EML6: variants seen among roughly 807,000 people sequenced by gnomAD.
The protein encoded by EML6 is EMAP like 6.
In EML6, 154 loss-of-function variants were observed where a neutral mutation model predicts 240.1. That is an observed-to-expected ratio of 0.64 (90% CI 0.56 to 0.73). The LOEUF (loss-of-function observed/expected upper bound fraction) is 0.73, where lower values mean the gene tolerates loss of function less well. Among genes scored for constraint, EML6 ranks in the 30% least tolerant of loss-of-function variants. The pLI is 0.00. For synonymous variants in EML6, 1,148 were observed against 899.0 expected, an observed-to-expected ratio of 1.28 and a Z score of -4.95; for missense variants, 2,964 against 2,474.6, an observed-to-expected ratio of 1.20 and a Z score of -4.20.
chr2:54,844,099 C>T lies in EML6; in HGVS notation c.900C>T (p.Thr300=). 1.8e-5 allele frequency: 28 copies of T among 1,551,128 alleles called. No individual in the cohort carries two copies. Among genetic ancestry groups the T allele is most frequent in the Non-Finnish European group, 2.4e-5 (27 of 1,146,806 alleles). Residue 300 remains threonine, a synonymous_variant, in exon 8 of 42, where the codon ACC becomes ACT. Coordinates refer to ENST00000356458, the MANE Select transcript of EML6 (RefSeq NM_001039753.4). ...CWKADRLLAG[T]QDSEIFEVIV... ...AAGCAGACCGCCTTCTAGCAGGGAC[C>T]CAGGACAGTGAGATATTTGAAGTGA...
At chr2:54,871,746 A>G (rs1671270497) in intron 16 of EML6, 141 bp downstream of exon 16, 4 of 674,110 alleles carry the variant, frequency 5.9e-6, no homozygotes, top group African/African-American at 1.8e-5. Flanking sequence ...ATTGAAGTAC[A>G]AGCTCTTTGT....
At chr2:54,792,468 G>C (rs968423644) in intron 2 of EML6, among the ~76,000 whole-genome samples, 1 of 152,180 alleles carries the variant, frequency 6.6e-6, no homozygotes, top group Non-Finnish European at 1.5e-5. Flanking sequence ...CTGACCAAGT[G>C]GAAAACTTAT....
intron 16 of EML6, among the ~76,000 whole-genome samples, chr2:54,875,694 G>A (rs535751628): frequency 6.6e-6 from 1 of 152,288 alleles, no homozygotes; most frequent in Non-Finnish European, 1.5e-5. Context: ...AGGACAAGAA[G>A]GAATGAATTT....
At chr2:54,792,775 A>G (rs1352085241) in intron 2 of EML6, among the ~76,000 whole-genome samples, 2 of 152,236 alleles carry the variant, frequency 1.3e-5, no homozygotes, top group Non-Finnish European at 2.9e-5. Flanking sequence ...GAAATACGCT[A>G]TAGAAATACG....
chr2:54,794,055 T>G (rs906574842), intron 2 of EML6, among the ~76,000 whole-genome samples: 1 of 152,250 alleles, frequency 6.6e-6, no homozygotes, highest in Non-Finnish European at 1.5e-5. Flanking sequence ...TTTTCCACTT[T>G]GCTGGCAGTG....
intron 17 of EML6, 30 bp downstream of exon 17, chr2:54,879,670 C>G (rs563257304): frequency 8.1e-7 from 1 of 1,234,450 alleles, no homozygotes; most frequent in South Asian, 1.3e-5. Context: ...TTACGGTATC[C>G]TGCTGATACC....
In EML6 at chr2:54,827,844, T is replaced by A. The variant is rs1667577099; in HGVS notation, c.711+93T>A. ...GTATGTTTCCCTTCTTGCTTTAGAA[T>A]CAGAGAACCCTGCTGAACACTCCCT... On this transcript the variant is annotated intron_variant, in intron 6 of 41. Transcript: ENST00000356458. 1.3e-5 allele frequency: 12 copies of A among 900,324 alleles called. No homozygotes were observed. The South Asian group carries it at 2.0e-4, about 15-fold the overall frequency. The allele number at this position is 900,324 out of a possible 1,614,324, so 55.8% of individuals were successfully genotyped here. A position where few individuals can be genotyped will look rare whatever the true frequency, so the allele number is the denominator to read the frequency against.
At position 54,970,102 on chromosome 2, in the gene EML6, A is replaced by G. The variant is rs536200651; in HGVS notation, c.*7A>G. The stretch of plus-strand genomic sequence containing the variant: ...TGTGTGGCGATGTCTGTAAAATGCC[A>G]GAAGCCTCTTATGTTATTGCTGCTG... On this transcript the variant is annotated 3_prime_UTR_variant, in exon 42 of 42. Coordinates refer to ENST00000356458, the MANE Select transcript of EML6 (RefSeq NM_001039753.4). 19 of 1,551,584 alleles carry G rather than the reference A, an allele frequency of 1.2e-5. No individual in the cohort carries two copies. Among genetic ancestry groups the G allele is most frequent in the Non-Finnish European group, 1.7e-5 (19 of 1,146,962 alleles).
At chr2:54,788,234 T>G (rs1255834853) in intron 2 of EML6, among the ~76,000 whole-genome samples, 2 of 152,218 alleles carry the variant, frequency 1.3e-5, no homozygotes, top group East Asian at 3.8e-4. Flanking sequence ...GGCTCCCGCT[T>G]CCTGTTGGCC....
At chr2:54,840,805 T>C (rs1669404489) in intron 7 of EML6, among the ~76,000 whole-genome samples, 1 of 152,230 alleles carries the variant, frequency 6.6e-6, no homozygotes, top group Non-Finnish European at 1.5e-5. Flanking sequence ...GACCTTTCTA[T>C]TCTACTGAGA....
intron 24 of EML6, among the ~76,000 whole-genome samples, chr2:54,904,321 C>G (rs1355022062): frequency 1.3e-5 from 2 of 152,102 alleles, no homozygotes; most frequent in Non-Finnish European, 2.9e-5. Flanking sequence ...AAATCCTATC[C>G]TCAAGACTCG....
In EML6 at chr2:54,813,367, C is replaced by T. The variant is rs763088733; in HGVS notation, c.333C>T (p.Cys111=). 1.3e-6 allele frequency: 2 copies of T among 1,551,538 alleles called. No homozygotes were observed. Among genetic ancestry groups the T allele is most frequent in the Non-Finnish European group, 1.7e-6 (2 of 1,146,828 alleles). Residue 111 remains cysteine, a synonymous_variant, in exon 3 of 42, where the codon TGC becomes TGT. Coordinates refer to ENST00000356458, the MANE Select transcript of EML6 (RefSeq NM_001039753.4). ...LKDVHTHGVA[C]LAFDSDGQRL... ...ATGTCCATACACATGGAGTTGCCTG[C>T]CTGGCTTTTGACTCAGATGGACAGG...
intron 32 of EML6, among the ~76,000 whole-genome samples, chr2:54,956,391 G>C (rs1224352303): frequency 9.9e-6 from 1 of 101,104 alleles, no homozygotes; most frequent in East Asian, 3.3e-4. Flanking sequence ...TTTACTACTT[G>C]GAGTGGGAGG....
chr2:54,821,842 A>G (rs1640664632), intron 5 of EML6, among the ~76,000 whole-genome samples: 1 of 152,112 alleles, frequency 6.6e-6, no homozygotes, highest in African/African-American at 2.4e-5. Flanking sequence ...GGTAAGTTTC[A>G]AAAACTATAA....
chr2:54,794,535 A>AC (rs1488616859), intron 2 of EML6, among the ~76,000 whole-genome samples: 1 of 151,944 alleles, frequency 6.6e-6, no homozygotes, highest in Non-Finnish European at 1.5e-5. Flanking sequence ...TACTTTCAGC[A>AC]CCCCTCTGGC....
intron 26 of EML6, among the ~76,000 whole-genome samples, chr2:54,923,576 C>A (rs533030885): frequency 3.9e-5 from 6 of 152,056 alleles, no homozygotes; most frequent in African/African-American, 1.2e-4. Flanking sequence ...AGATACTTAC[C>A]CCTAAATGTT....
chr2:54,930,714 G>C (rs1166461197), intron 28 of EML6, among the ~76,000 whole-genome samples: 2 of 152,092 alleles, frequency 1.3e-5, no homozygotes, highest in Non-Finnish European at 2.9e-5. Flanking sequence ...TAAAAGCCTT[G>C]ACAGCCTCAA....
chr2:54,913,024 C>T (rs1440389617), intron 25 of EML6, among the ~76,000 whole-genome samples: 1 of 150,240 alleles, frequency 6.7e-6, no homozygotes, highest in African/African-American at 2.4e-5. Flanking sequence ...ACATTCCCAC[C>T]AACAGTGAAT....
At chr2:54,798,784 C>T (rs962504415) in intron 2 of EML6, among the ~76,000 whole-genome samples, 1 of 152,030 alleles carries the variant, frequency 6.6e-6, no homozygotes, top group African/African-American at 2.4e-5. Flanking sequence ...TTTATTTATT[C>T]TTGCTTTATT....
Sources: gnomAD v4.1 joint callset for allele counts (sites outside exome capture counted in the v4.1 genomes callset) on GRCh38, gnomAD v4.1.1 for gene constraint, MANE v1.5 for transcripts, NCBI Gene and HGNC (gene_info 2026-07-23, HGNC 2026-07-21) for gene names.